STAG2: variants seen among roughly 807,000 people sequenced by gnomAD.
STAG2 encodes the protein STAG2 cohesin complex component.
A neutral mutation model predicts 108.1 loss-of-function variants in STAG2; 14 were observed. The observed-to-expected ratio is 0.13, with a 90% CI of 0.09 to 0.20. The LOEUF (loss-of-function observed/expected upper bound fraction) is 0.20, where lower values mean the gene tolerates loss of function less well. STAG2 is among the 10% of genes least tolerant of loss of function. STAG2 has a pLI of 1.00. For missense variants in STAG2, 440 were observed against 940.9 expected (o/e 0.47, Z 6.96); for synonymous variants, 307 against 302.7 (o/e 1.01, Z -0.15).
intron 24 of STAG2, among the ~76,000 whole-genome samples, chrX:124,068,921 A>T (rs1357841131): frequency 8.9e-6 from 1 of 111,897 alleles, no homozygotes. Flanking sequence ...TGGTAAACAG[A>T]CTTCATACAA....
chrX:124,038,543 A>G (rs1031254781), intron 6 of STAG2, among the ~76,000 whole-genome samples: 1 of 111,606 alleles, frequency 9.0e-6, no homozygotes, highest in Non-Finnish European at 1.9e-5. Context: ...CAGAAACTGA[A>G]TTGTAAGAAG....
At position 124,048,854 on chromosome X, in the gene STAG2, A is replaced by C. The variant is rs192155459; in HGVS notation, c.820-151A>C. Reference sequence around the variant, plus strand: ...TTATCTACCTGGTAATATAACTGTTAATTTTTCTATATGGTTACTGTTGTC... The same window carrying C: ...TTATCTACCTGGTAATATAACTGTTCATTTTTCTATATGGTTACTGTTGTC... On this transcript the variant is annotated intron_variant, in intron 9 of 34. Coordinates refer to ENST00000371145, the MANE Select transcript of STAG2 (RefSeq NM_001042750.2). 1.5e-3 allele frequency: 671 copies of C among 439,916 alleles called. 3 individuals carry two copies. Among genetic ancestry groups the C allele is most frequent in the Admixed American group, 7.6e-3 (152 of 20,044 alleles). The allele number at this position is 439,916 out of a possible 1,213,427, so 36.3% of individuals were successfully genotyped here.
intron 4 of STAG2, among the ~76,000 whole-genome samples, chrX:124,027,595 G>A (rs1485690202): frequency 8.9e-6 from 1 of 111,752 alleles, no homozygotes; most frequent in African/African-American, 3.3e-5. Context: ...TGGGTGAGGT[G>A]TTGGGACAGG....
intron 15 of STAG2, among the ~76,000 whole-genome samples, chrX:124,060,776 T>C (rs2058353328): frequency 9.3e-6 from 1 of 107,039 alleles, no homozygotes; most frequent in Non-Finnish European, 1.9e-5. Context: ...ATACATAAAT[T>C]AGCCGGGCGT....
At chrX:124,084,568 T>C (rs1449566140) in intron 29 of STAG2, among the ~76,000 whole-genome samples, 3 of 111,248 alleles carry the variant, frequency 2.7e-5, no homozygotes, top group Non-Finnish European at 5.6e-5. Flanking sequence ...TCTGTCCACC[T>C]TGGCCTCGCA....
chrX:124,023,539 T>C (rs1261255796), intron 3 of STAG2, among the ~76,000 whole-genome samples: 62 of 111,598 alleles, frequency 5.6e-4, no homozygotes, highest in Non-Finnish European at 3.8e-5. Flanking sequence ...ACAGCATTTT[T>C]AGTGAGGATT....
intron 1 of STAG2, among the ~76,000 whole-genome samples, chrX:123,975,860 T>C (rs1384161264): frequency 1.8e-5 from 2 of 112,943 alleles, no homozygotes; most frequent in African/African-American, 6.4e-5. Context: ...TTGGGTATTC[T>C]GAATATACTT....
chrX:124,047,860 A>G (rs998918346), intron 9 of STAG2, among the ~76,000 whole-genome samples: 4 of 112,092 alleles, frequency 3.6e-5, no homozygotes, highest in Non-Finnish European at 7.5e-5. Flanking sequence ...TCACTTTGAA[A>G]AATAACATAA....
chrX:124,025,730 G>A lies in STAG2; in HGVS notation c.45-110G>A. 5 of 468,020 alleles carry A rather than the reference G, an allele frequency of 1.1e-5. No homozygotes were observed. In the South Asian group the frequency reaches 2.6e-4, roughly 24 times the overall value. 38.6% of individuals were successfully genotyped at this position (468,020 alleles called of 1,213,427 possible). ...TCTTAATTACTTATAATGCTAATAT[G>A]AAGTTTTGTAATGAGTTAACCAAGC... is the stretch of plus-strand genomic sequence containing the variant. On this transcript the variant is annotated intron_variant, in intron 3 of 34. Coordinates refer to ENST00000371145, the MANE Select transcript of STAG2 (RefSeq NM_001042750.2).
At chrX:124,054,416 A>T (rs2058133407) in intron 13 of STAG2, among the ~76,000 whole-genome samples, 1 of 111,961 alleles carries the variant, frequency 8.9e-6, no homozygotes, top group African/African-American at 3.2e-5. Context: ...CTTACCTTGG[A>T]ATTTCTTGAG....
At chrX:123,971,554 C>G (rs1473272393) in intron 1 of STAG2, among the ~76,000 whole-genome samples, 1 of 111,475 alleles carries the variant, frequency 9.0e-6, no homozygotes, top group Non-Finnish European at 1.9e-5. Flanking sequence ...GGTACATGGT[C>G]AATAGTAAAA....
intron 1 of STAG2, among the ~76,000 whole-genome samples, chrX:123,963,831 C>A (rs938758726): frequency 8.1e-5 from 9 of 111,478 alleles, no homozygotes; most frequent in African/African-American, 2.9e-4. Flanking sequence ...TTGTGTAAGG[C>A]GTAAGGCGGC....
At chrX:124,011,371 T>TA (rs975467213) in intron 1 of STAG2, among the ~76,000 whole-genome samples, 1 of 111,476 alleles carries the variant, frequency 9.0e-6, no homozygotes, top group African/African-American at 3.3e-5. Context: ...TTTTATTTGT[T>TA]ACTTTTCCTG....
At chrX:124,092,975 AC>A (rs1201249142) in intron 32 of STAG2, among the ~76,000 whole-genome samples, 1 of 111,676 alleles carries the variant, frequency 9.0e-6, no homozygotes, top group African/African-American at 3.3e-5. Context: ...TCTTTTAAGA[AC>A]CAGCATAGTA....
At chrX:123,990,929 T>C (rs942198649) in intron 1 of STAG2, among the ~76,000 whole-genome samples, 4 of 111,789 alleles carry the variant, frequency 3.6e-5, no homozygotes, top group African/African-American at 1.3e-4. Flanking sequence ...ACAGTACATG[T>C]CCTTCCAGAT....
intron 5 of STAG2, among the ~76,000 whole-genome samples, chrX:124,033,172 T>C (rs773757287): frequency 2.1e-4 from 24 of 112,212 alleles, no homozygotes; most frequent in Admixed American, 2.0e-3. Flanking sequence ...AATTACTGTT[T>C]TGAATATGTT....
intron 1 of STAG2, among the ~76,000 whole-genome samples, chrX:123,965,145 C>G (rs2054039241): frequency 9.0e-6 from 1 of 111,489 alleles, no homozygotes; most frequent in Non-Finnish European, 1.9e-5. Context: ...TACCATTAGT[C>G]TGTTTGTGTA....
chrX:124,083,345 A>T lies in STAG2; in HGVS notation c.2925-76A>T. 3 of 872,121 alleles carry T rather than the reference A, an allele frequency of 3.4e-6. No homozygotes were observed. The East Asian group carries it at 1.2e-4, about 35-fold the overall frequency. The allele number at this position is 872,121 out of a possible 1,213,427, so 71.9% of individuals were successfully genotyped here. A position where few individuals can be genotyped will look rare whatever the true frequency, so the allele number is the denominator to read the frequency against. On this transcript the variant is annotated intron_variant, in intron 28 of 34. Transcript: ENST00000371145. ...GCTTGGCAAAGGAAGTAGTGAGTGA[A>T]ATTTCCTAAGTTATTGACTTTTTTA...
intron 1 of STAG2, among the ~76,000 whole-genome samples, chrX:124,017,911 G>T (rs1209903861): frequency 8.9e-6 from 1 of 111,954 alleles, no homozygotes; most frequent in Non-Finnish European, 1.9e-5. Flanking sequence ...GCGATCATCT[G>T]TTACTTTTTA....
Sources: gnomAD v4.1 joint callset for allele counts (sites outside exome capture counted in the v4.1 genomes callset) on GRCh38, gnomAD v4.1.1 for gene constraint, MANE v1.5 for transcripts, NCBI Gene and HGNC (gene_info 2026-07-23, HGNC 2026-07-21) for gene names.